The following PARD3B variants were observed in gnomAD, a reference collection of about 807,000 sequenced individuals.
PARD3B encodes partitioning defective 3 homolog B.
PARD3B carries 103 observed loss-of-function variants against 130.2 expected under a neutral mutation model. The observed-to-expected ratio is 0.79, with a 90% confidence interval of 0.67 to 0.93. PARD3B has a LOEUF of 0.93. Among genes scored for constraint, PARD3B ranks in the 40% least tolerant of loss-of-function variants. The pLI is 0.00. For synonymous variants in PARD3B, 583 were observed against 553.2 expected (o/e 1.05, Z -0.76); for missense variants, 1,609 against 1,499.2 (o/e 1.07, Z -1.21).
At chr2:204,735,927 A>G (rs570972471) in intron 2 of PARD3B, among the ~76,000 whole-genome samples, 1 of 152,332 alleles carries the variant, frequency 6.6e-6, no homozygotes, top group South Asian at 2.1e-4. Context: ...TTATTTACTC[A>G]TTAACTTTTC....
chr2:204,547,390 C>A (rs896551670), intron 1 of PARD3B, among the ~76,000 whole-genome samples: 1 of 152,080 alleles, frequency 6.6e-6, no homozygotes, highest in African/African-American at 2.4e-5. Context: ...TAAAGATGAA[C>A]TCTTTACTGA....
chr2:204,920,352 T>C (rs545083581), intron 2 of PARD3B, among the ~76,000 whole-genome samples: 2 of 152,292 alleles, frequency 1.3e-5, no homozygotes, highest in South Asian at 4.1e-4. Context: ...ATTTTTGTAT[T>C]TCCCCTCAGA....
At chr2:204,741,524 A>G (rs1426003022) in intron 2 of PARD3B, among the ~76,000 whole-genome samples, 2 of 152,102 alleles carry the variant, frequency 1.3e-5, no homozygotes, top group Non-Finnish European at 2.9e-5. Context: ...CCTTAGATTT[A>G]TAGTGTTGTG....
chr2:205,055,099 G>T (rs1036343317), intron 4 of PARD3B, among the ~76,000 whole-genome samples: 3 of 152,102 alleles, frequency 2.0e-5, no homozygotes, highest in African/African-American at 7.2e-5. Context: ...ACAGTGCCTG[G>T]CACTTAAGAC....
At chr2:205,406,377 T>A (rs930275526) in intron 19 of PARD3B, among the ~76,000 whole-genome samples, 1 of 152,176 alleles carries the variant, frequency 6.6e-6, no homozygotes, top group African/African-American at 2.4e-5. Flanking sequence ...GGAAAAGTCC[T>A]TAAAATTAGG....
rs2042748769 is a variant in PARD3B, at chr2:205,321,442, TTCTC to T, written c.2630+19749_2630+19752del. ...CATTTTTTCTGAATTAGCTGTAGCA[TTCTC>T]TCTCTCTTTCTCTCTCTTCCTCTCT... On this transcript the variant is annotated intron_variant, in intron 18 of 22. Transcript: ENST00000406610. The surrounding 1 kb of genome is among the most constrained non-coding windows in gnomAD (Gnocchi z 4.2). Among the ~76,000 whole-genome samples, 1 of 151,722 alleles carries T rather than the reference TTCTC, an allele frequency of 6.6e-6. No homozygotes were observed. Among genetic ancestry groups the T allele is most frequent in the Admixed American group, 6.6e-5 (1 of 15,228 alleles).
At chr2:204,580,917 G>A (rs996026377) in intron 1 of PARD3B, among the ~76,000 whole-genome samples, 2 of 152,172 alleles carry the variant, frequency 1.3e-5, no homozygotes, top group Non-Finnish European at 2.9e-5. Context: ...TTAAATTACA[G>A]TACTCATCTG....
At chr2:205,522,397 A>C (rs1199275597) in intron 21 of PARD3B, among the ~76,000 whole-genome samples, 3 of 151,964 alleles carry the variant, frequency 2.0e-5, no homozygotes, top group Non-Finnish European at 4.4e-5. Flanking sequence ...TTTTATTATT[A>C]ATGTATGGTT....
At chr2:205,419,377 A>G (rs2046888998) in intron 19 of PARD3B, among the ~76,000 whole-genome samples, 2 of 152,168 alleles carry the variant, frequency 1.3e-5, no homozygotes, top group African/African-American at 4.8e-5. Flanking sequence ...CTGTGAATCT[A>G]TTAAACCTCT....
intron 3 of PARD3B, among the ~76,000 whole-genome samples, chr2:205,019,256 C>G (rs1379536345): frequency 6.6e-6 from 1 of 152,170 alleles, no homozygotes; most frequent in Non-Finnish European, 1.5e-5. Context: ...TGTGTTGTGA[C>G]TGCCTTTTCC....
At chr2:204,886,866 G>C (rs113687814) in intron 2 of PARD3B, among the ~76,000 whole-genome samples, 2,652 of 152,230 alleles carry the variant, frequency 0.017, 54 homozygotes, top group East Asian at 0.11. Context: ...GACAGGTGGT[G>C]TGTTTAACAT....
At chr2:204,743,921 T>C (rs537271110) in intron 2 of PARD3B, among the ~76,000 whole-genome samples, 10 of 152,274 alleles carry the variant, frequency 6.6e-5, no homozygotes, top group Non-Finnish European at 1.0e-4. Context: ...CTTTGGTTGG[T>C]TCTAATAACA....
At chr2:205,580,652 G>T (rs2053929864) in intron 22 of PARD3B, among the ~76,000 whole-genome samples, 1 of 152,154 alleles carries the variant, frequency 6.6e-6, no homozygotes, top group African/African-American at 2.4e-5. Flanking sequence ...CTATATGACT[G>T]CAGGTTTTAA....
chr2:205,013,419 T>C (rs1464674671), intron 3 of PARD3B, among the ~76,000 whole-genome samples: 1 of 152,178 alleles, frequency 6.6e-6, no homozygotes, highest in Non-Finnish European at 1.5e-5. Context: ...GTGGTATAAT[T>C]TTCAGAAGCA....
At chr2:205,227,002 T>C (rs962654772) in intron 15 of PARD3B, among the ~76,000 whole-genome samples, 1 of 152,224 alleles carries the variant, frequency 6.6e-6, no homozygotes, top group Non-Finnish European at 1.5e-5. Context: ...ATGTCTTTAC[T>C]GATGTATAGT....
chr2:204,806,882 A>T (rs1012573150), intron 2 of PARD3B, among the ~76,000 whole-genome samples: 3 of 152,198 alleles, frequency 2.0e-5, no homozygotes, highest in African/African-American at 7.2e-5. Context: ...ACAGCTATGT[A>T]AAAATGTGCT....
chr2:204,598,326 A>T (rs1336807567), intron 1 of PARD3B, among the ~76,000 whole-genome samples: 1 of 152,148 alleles, frequency 6.6e-6, no homozygotes, highest in East Asian at 1.9e-4. Flanking sequence ...GTATAATTCT[A>T]CTCATAATCC....
In PARD3B at chr2:204,967,347, A is replaced by G. The variant is rs1691339808; in HGVS notation, c.394+2024A>G. 1.3e-5 allele frequency among the ~76,000 whole-genome samples: 2 copies of G among 152,192 alleles called. No individual in the cohort carries two copies. The highest frequency in any genetic ancestry group is 4.8e-5 in the African/African-American group (2 of 41,438). On this transcript the variant is annotated intron_variant, in intron 3 of 22. Transcript: ENST00000406610. This position sits in a 1 kb window ranked among gnomAD's most constrained non-coding sequence, Gnocchi z 4.4. The stretch of plus-strand genomic sequence containing the variant: ...CACCACAGCAGGCCAGAGCTTTGCC[A>G]TCAATTAGACTATTGCAGAGGCCTC...
chr2:204,744,784 T>C (rs1479657197), intron 2 of PARD3B, among the ~76,000 whole-genome samples: 2 of 152,088 alleles, frequency 1.3e-5, no homozygotes, highest in Admixed American at 1.3e-4. Context: ...GTGAAGTTTG[T>C]GGAATAGAAC....
Sources: gnomAD v4.1 joint callset for allele counts (sites outside exome capture counted in the v4.1 genomes callset) on GRCh38, gnomAD v4.1.1 for gene constraint, Gnocchi (gnomAD v3.1) non-coding constraint, MANE v1.5 for transcripts, NCBI Gene and HGNC (gene_info 2026-07-23, HGNC 2026-07-21) for gene names.